Variants in CHIC1 observed in about 807,000 individuals in gnomAD.
CHIC1 encodes the protein cysteine-rich hydrophobic domain-containing protein 1.
A neutral mutation model predicts 18.5 loss-of-function variants in CHIC1; 7 were observed. The observed-to-expected ratio is 0.38, with a 90% CI of 0.22 to 0.71. The LOEUF (loss-of-function observed/expected upper bound fraction) is 0.71, where lower values mean the gene tolerates loss of function less well. CHIC1 is among the 30% of genes least tolerant of loss of function. The probability of loss-of-function intolerance (pLI) is 0.49; values close to 1 mark genes in which losing one functional copy is unlikely to be tolerated. For missense variants in CHIC1, 159 were observed against 176.9 expected, an observed-to-expected ratio of 0.90 and a Z score of 0.57; for synonymous variants, 77 against 73.5, an observed-to-expected ratio of 1.05 and a Z score of -0.25.
chrX:73,567,333 A>G (rs761984799), intron 1 of CHIC1, among the ~76,000 whole-genome samples: 5 of 110,011 alleles, frequency 4.5e-5, no homozygotes, highest in Non-Finnish European at 9.5e-5. Flanking sequence ...CCCCTCTCAT[A>G]TCCCCACCCC....
chrX:73,627,946 G>A (rs775538251), intron 3 of CHIC1, among the ~76,000 whole-genome samples: 3 of 111,935 alleles, frequency 2.7e-5, no homozygotes, highest in South Asian at 7.6e-4. Flanking sequence ...CAAGGCCCTC[G>A]ATGTTGTACC....
At chrX:73,677,117 C>G (rs1053195508) in intron 3 of CHIC1, among the ~76,000 whole-genome samples, 11 of 111,441 alleles carry the variant, frequency 9.9e-5, no homozygotes, top group African/African-American at 2.9e-4. Context: ...GAGTACCCGG[C>G]CCTGTGAGGT....
chrX:73,621,680 C>G (rs1453132368), intron 3 of CHIC1, among the ~76,000 whole-genome samples: 2 of 111,666 alleles, frequency 1.8e-5, no homozygotes, highest in South Asian at 3.7e-4. Context: ...ATTTGAATAC[C>G]CTTTATTTCT....
At chrX:73,606,146 C>G (rs932862751) in intron 3 of CHIC1, among the ~76,000 whole-genome samples, 9 of 107,636 alleles carry the variant, frequency 8.4e-5, no homozygotes, top group Non-Finnish European at 1.7e-4. Context: ...GCTCTTTTTA[C>G]ATAGTCCCAT....
intron 3 of CHIC1, among the ~76,000 whole-genome samples, chrX:73,652,731 C>T (rs1188399542): frequency 8.9e-6 from 1 of 112,010 alleles, no homozygotes; most frequent in African/African-American, 3.2e-5. Context: ...CAATAAACAA[C>T]AGATGTTGGT....
intron 3 of CHIC1, among the ~76,000 whole-genome samples, chrX:73,603,074 A>T (rs1195550854): frequency 9.2e-6 from 1 of 108,359 alleles, no homozygotes; most frequent in East Asian, 2.8e-4. Flanking sequence ...CTTGATAGGG[A>T]TATCATTGAA....
At chrX:73,603,975 T>G (rs751373329) in intron 3 of CHIC1, among the ~76,000 whole-genome samples, 3 of 107,698 alleles carry the variant, frequency 2.8e-5, no homozygotes, top group Admixed American at 9.7e-5. Context: ...TTTTTGTTGT[T>G]GTTTCTCTGC....
At chrX:73,654,080 A>T (rs942917447) in intron 3 of CHIC1, among the ~76,000 whole-genome samples, 1 of 112,307 alleles carries the variant, frequency 8.9e-6, no homozygotes, top group African/African-American at 3.2e-5. Flanking sequence ...AATTTTGGTC[A>T]AAATAGTGAA....
intron 3 of CHIC1, among the ~76,000 whole-genome samples, chrX:73,596,756 T>A (rs1421778260): frequency 9.0e-6 from 1 of 111,020 alleles, no homozygotes; most frequent in Non-Finnish European, 1.9e-5. Flanking sequence ...TTGACAAACT[T>A]GCCAAAAACA....
chrX:73,605,328 T>G (rs1032684095), intron 3 of CHIC1, among the ~76,000 whole-genome samples: 3 of 108,192 alleles, frequency 2.8e-5, no homozygotes, highest in Non-Finnish European at 5.7e-5. Flanking sequence ...AACTCCTGCT[T>G]TTTTTGGCCT....
chrX:73,637,207 T>C (rs2057834981), intron 3 of CHIC1, among the ~76,000 whole-genome samples: 1 of 111,683 alleles, frequency 9.0e-6, no homozygotes, highest in Non-Finnish European at 1.9e-5. Flanking sequence ...CACTGCCTTC[T>C]TGCCTCCAAA....
rs747899469 is a variant in CHIC1 at position 73,674,277 on chromosome X, T to C, written c.508-5049T>C. On this transcript the variant is annotated intron_variant, in intron 3 of 5. Transcript: ENST00000373502. ...TGACTTAGGGCAGATTCCCTCTTTTTCTATTGATTGGAATAGTTTCAGAAG... is the reference window on the plus strand; with the variant it reads ...TGACTTAGGGCAGATTCCCTCTTTTCCTATTGATTGGAATAGTTTCAGAAG... Among the ~76,000 whole-genome samples, 18 of 112,187 alleles carry C rather than the reference T, an allele frequency of 1.6e-4. No homozygotes were observed. The South Asian group carries it at 1.9e-3, about 12-fold the overall frequency.
chrX:73,574,886 C>A (rs749020921), intron 1 of CHIC1, among the ~76,000 whole-genome samples: 1 of 109,544 alleles, frequency 9.1e-6, no homozygotes, highest in East Asian at 2.9e-4. Flanking sequence ...TTGATTTCAT[C>A]GATTCTTTGT....
rs185394071 is a variant in CHIC1, at chrX:73,640,914, G to A, written c.508-38412G>A. The stretch of plus-strand genomic sequence containing the variant: ...TGGTTAGTTTGCTCTTGCTTCTCTA[G>A]GTCTTCTAGTTGTGGTTTAGGTTGT... On this transcript the variant is annotated intron_variant, in intron 3 of 5. Coordinates refer to ENST00000373502, the MANE Select transcript of CHIC1 (RefSeq NM_001039840.4). Among the ~76,000 whole-genome samples the A allele has an allele frequency of 1.4e-3, 156 of 110,987 alleles. 1 individual carries two copies. The highest frequency in any genetic ancestry group is 4.6e-3 in the Middle Eastern group (1 of 217).
intron 3 of CHIC1, among the ~76,000 whole-genome samples, chrX:73,676,164 A>AT (rs1171923396): frequency 9.0e-6 from 1 of 111,151 alleles, no homozygotes; most frequent in Non-Finnish European, 1.9e-5. Flanking sequence ...TGCCCTTAAC[A>AT]TTTTTTCCTT....
At chrX:73,572,681 T>C (rs2057476756) in intron 1 of CHIC1, among the ~76,000 whole-genome samples, 1 of 111,737 alleles carries the variant, frequency 8.9e-6, no homozygotes, top group Non-Finnish European at 1.9e-5. Flanking sequence ...GTAGTTTTGA[T>C]CTGTATTTCT....
chrX:73,659,410 T>C (rs2057968691), intron 3 of CHIC1, among the ~76,000 whole-genome samples: 1 of 99,214 alleles, frequency 1.0e-5, no homozygotes, highest in Non-Finnish European at 2.0e-5. Context: ...GGAATTTTGT[T>C]GATTGAAGAG....
At chrX:73,671,021 C>T (rs897995854) in intron 3 of CHIC1, among the ~76,000 whole-genome samples, 6 of 111,785 alleles carry the variant, frequency 5.4e-5, no homozygotes, top group Non-Finnish European at 9.4e-5. Context: ...TCTATTAGGT[C>T]TATTTGGTCT....
rs193118691 is a variant in CHIC1, at chrX:73,676,842, T to A, written c.508-2484T>A. ...ACAGTTTCCAGTTCTTCTGCTCTGTTTTTTTCCCGTCTTTGTGGTTTTATC... is the reference window on the plus strand; with the variant it reads ...ACAGTTTCCAGTTCTTCTGCTCTGTATTTTTCCCGTCTTTGTGGTTTTATC... On this transcript the variant is annotated intron_variant, in intron 3 of 5. Coordinates refer to ENST00000373502, the MANE Select transcript of CHIC1 (RefSeq NM_001039840.4). 7.2e-5 allele frequency among the ~76,000 whole-genome samples: 8 copies of A among 111,648 alleles called. No individual in the cohort carries two copies. The East Asian group carries it at 2.3e-3, about 32-fold the overall frequency.
Sources: allele counts gnomAD v4.1 joint callset (sites outside exome capture counted in the v4.1 genomes callset), GRCh38; gene constraint gnomAD v4.1.1; transcripts MANE v1.5; gene names NCBI Gene and HGNC (gene_info 2026-07-23, HGNC 2026-07-21).